The following KCNC2 variants were observed in gnomAD, a reference collection of about 807,000 sequenced individuals.
KCNC2 encodes potassium voltage-gated channel subfamily C member 2.
Under a neutral mutation model 44.5 loss-of-function variants are expected in KCNC2, and 21 were observed. That is an observed-to-expected ratio of 0.47 (90% CI 0.33 to 0.68). KCNC2 has a LOEUF of 0.68. Among genes scored for constraint, KCNC2 ranks in the 30% least tolerant of loss-of-function variants. KCNC2 has a pLI of 0.01. For synonymous variants in KCNC2, 391 were observed against 339.1 expected (o/e 1.15, Z -1.68); for missense variants, 589 against 826.2 (o/e 0.71, Z 3.52).
intron 2 of KCNC2, among the ~76,000 whole-genome samples, chr12:75,125,802 C>T (rs1310432164): frequency 5.9e-5 from 9 of 152,108 alleles, no homozygotes; most frequent in Non-Finnish European, 1.2e-4. Context: ...AAACTATATA[C>T]ACTCAGATTA....
At position 75,043,048 on chromosome 12, in the gene KCNC2, G is replaced by GTAAACAGC; in HGVS notation, c.*49_*56dup. On this transcript the variant is annotated 3_prime_UTR_variant, in exon 5 of 5. Transcript: ENST00000549446. Reference sequence around the variant, plus strand: ...TACATTTAATTATTTCCATTATGGGGTAAACAGCACTTGAATTAATACAAT... The same window carrying GTAAACAGC: ...TACATTTAATTATTTCCATTATGGGGTAAACAGCTAAACAGCACTTGAATTAATACAAT... 1 of 1,602,964 alleles carries GTAAACAGC rather than the reference G, an allele frequency of 6.2e-7. No individual in the cohort carries two copies. The highest frequency in any genetic ancestry group is 1.3e-5 in the African/African-American group (1 of 74,466).
intron 2 of KCNC2, among the ~76,000 whole-genome samples, chr12:75,055,568 A>T (rs1169666720): frequency 5.3e-5 from 8 of 152,114 alleles, no homozygotes; most frequent in Admixed American, 5.2e-4. Flanking sequence ...CTCTCCAGAC[A>T]AGGTATGTCA....
At chr12:75,053,438 A>G (rs1881404309) in intron 2 of KCNC2, among the ~76,000 whole-genome samples, 1 of 152,048 alleles carries the variant, frequency 6.6e-6, no homozygotes, top group African/African-American at 2.4e-5. Context: ...TTCTATGCAA[A>G]TACTTGTGCA....
At chr12:75,118,481 G>A (rs367712261) in intron 2 of KCNC2, among the ~76,000 whole-genome samples, 3 of 151,808 alleles carry the variant, frequency 2.0e-5, no homozygotes, top group Admixed American at 2.0e-4. Flanking sequence ...CATTGCTGAG[G>A]GCTGTCATGT....
chr12:75,077,071 G>C (rs542667437), intron 2 of KCNC2, among the ~76,000 whole-genome samples: 1 of 152,134 alleles, frequency 6.6e-6, no homozygotes, highest in Non-Finnish European at 1.5e-5. Flanking sequence ...CTACAGTAAA[G>C]CAGATTAACA....
intron 2 of KCNC2, among the ~76,000 whole-genome samples, chr12:75,088,969 A>G (rs528501292): frequency 8.6e-5 from 13 of 151,942 alleles, no homozygotes; most frequent in Non-Finnish European, 1.6e-4. Context: ...CCATAAAACA[A>G]TGATAATATA....
chr12:75,119,058 T>G (rs1421313069), intron 2 of KCNC2, among the ~76,000 whole-genome samples: 1 of 152,156 alleles, frequency 6.6e-6, no homozygotes, highest in East Asian at 1.9e-4. Flanking sequence ...ACACTGAAAT[T>G]ACAAAGAATA....
chr12:75,185,455 G>A (rs1399472895), intron 2 of KCNC2, among the ~76,000 whole-genome samples: 3 of 151,996 alleles, frequency 2.0e-5, no homozygotes, highest in Non-Finnish European at 2.9e-5. Flanking sequence ...TGCTATTATT[G>A]CAGGAGCAGT....
intron 2 of KCNC2, chr12:75,140,056 A>G (rs1379802006): frequency 6.6e-6 from 1 of 152,176 alleles, no homozygotes; most frequent in Non-Finnish European, 1.5e-5. Flanking sequence ...CAATTTGGAC[A>G]GTGTTTAGCT....
At chr12:75,118,172 A>G (rs1329389338) in intron 2 of KCNC2, among the ~76,000 whole-genome samples, 2 of 152,178 alleles carry the variant, frequency 1.3e-5, no homozygotes, top group Non-Finnish European at 2.9e-5. Context: ...CAAGAAGCCA[A>G]GTCTCAGAGA....
In KCNC2 at chr12:75,075,476, TATATATACAC is replaced by T. The variant is rs1356275596; in HGVS notation, c.688-24169_688-24160del. ...ATATATACATATATATATATATATA[TATATATACAC>T]ATATATATATATAAATAACATTGCT... On this transcript the variant is annotated intron_variant, in intron 2 of 4. Transcript: ENST00000549446. Among the ~76,000 whole-genome samples the T allele has an allele frequency of 4.0e-3, 589 of 147,648 alleles. 14 individuals are homozygous for T. In the East Asian group the frequency reaches 0.094, roughly 24 times the overall value.
rs750939509 is a variant in KCNC2, at chr12:75,207,759, G to C, written c.225C>G (p.Gly75=). Residue 75 remains glycine (G), a synonymous_variant, in exon 2 of 5, where the codon GGC becomes GGG. Transcript: ENST00000549446. This position sits in a 1 kb window ranked among gnomAD's most constrained non-coding sequence, Gnocchi z 4.1. ...TGCCCGCGCCGCCCTCGAAGCAGCC[G>C]CCTGGCCCGGGGGACAGCGGGGGCG... ...PRAPPLSPGP[G]GCFEGGAGNC... The C allele has an allele frequency of 6.4e-7, 1 of 1,569,832 alleles. No individual in the cohort carries two copies. The highest frequency in any genetic ancestry group is 1.1e-5 in the South Asian group (1 of 87,262).
chr12:75,105,087 T>C (rs1173279644), intron 2 of KCNC2, among the ~76,000 whole-genome samples: 1 of 152,174 alleles, frequency 6.6e-6, no homozygotes, highest in Non-Finnish European at 1.5e-5. Flanking sequence ...AAATATGTGG[T>C]ATGTAAGTCA....
chr12:75,207,155 T>A lies in KCNC2; in HGVS notation c.687+142A>T. On this transcript the variant is annotated intron_variant, in intron 2 of 4. Transcript: ENST00000549446. The surrounding 1 kb of genome is among the most constrained non-coding windows in gnomAD (Gnocchi z 4.1). The stretch of plus-strand genomic sequence containing the variant: ...GTCCCTGGGTTTACCCTGCAAAGGA[T>A]GAGCCTCTAACTGTATCGCTAGGAA... 1.9e-5 allele frequency: 27 copies of A among 1,407,570 alleles called. No homozygotes were observed. The highest frequency in any genetic ancestry group is 2.4e-5 in the Non-Finnish European group (26 of 1,074,812). The allele number at this position is 1,407,570 out of a possible 1,614,324, so 87.2% of individuals were successfully genotyped here.
intron 2 of KCNC2, among the ~76,000 whole-genome samples, chr12:75,071,306 A>G: frequency 6.6e-6 from 1 of 152,320 alleles, no homozygotes; most frequent in South Asian, 2.1e-4. Context: ...TATTTATTGA[A>G]GATAAATCTT....
intron 2 of KCNC2, among the ~76,000 whole-genome samples, chr12:75,068,341 A>G (rs958200869): frequency 4.7e-4 from 71 of 152,304 alleles, no homozygotes; most frequent in African/African-American, 1.6e-3. Flanking sequence ...TTTGGGGAGA[A>G]AAGACTAAAT....
chr12:75,090,612 A>G (rs1414161239), intron 2 of KCNC2, among the ~76,000 whole-genome samples: 1 of 151,842 alleles, frequency 6.6e-6, no homozygotes, highest in East Asian at 1.9e-4. Flanking sequence ...AGAAATCTCA[A>G]TGAACCAATT....
intron 2 of KCNC2, among the ~76,000 whole-genome samples, chr12:75,107,303 CA>C (rs1266908325): frequency 2.0e-5 from 3 of 149,330 alleles, no homozygotes; most frequent in Admixed American, 6.6e-5. Context: ...GACTCCATCT[CA>C]AAAAAATAAA....
intron 2 of KCNC2, among the ~76,000 whole-genome samples, chr12:75,165,353 A>G (rs1022597210): frequency 1.3e-5 from 2 of 151,408 alleles, no homozygotes; most frequent in Non-Finnish European, 3.0e-5. Context: ...CTGTCCCTCA[A>G]CTCCGCTCTT....
Sources: allele counts gnomAD v4.1 joint callset (sites outside exome capture counted in the v4.1 genomes callset), GRCh38; gene constraint gnomAD v4.1.1; non-coding constraint Gnocchi (gnomAD v3.1); transcripts MANE v1.5; gene names NCBI Gene and HGNC (gene_info 2026-07-23, HGNC 2026-07-21).